CAMTA1: variants seen among roughly 807,000 people sequenced by gnomAD.
The protein encoded by CAMTA1 is calmodulin binding transcription activator 1, also known as calmodulin-binding transcription activator 1.
A neutral mutation model predicts 170.9 loss-of-function variants in CAMTA1; 27 were observed. The ratio of observed to expected loss-of-function variants is 0.16; its 90% CI spans 0.12 to 0.22. CAMTA1 has a LOEUF of 0.22. Among genes scored for constraint, CAMTA1 ranks in the 10% least tolerant of loss-of-function variants. The probability of loss-of-function intolerance (pLI) is 1.00; values close to 1 mark genes in which losing one functional copy is unlikely to be tolerated. For synonymous variants in CAMTA1, 833 were observed against 891.5 expected (o/e 0.93, Z 1.17); for missense variants, 1,619 against 2,217.2 (o/e 0.73, Z 5.42).
rs978907663 is a variant in CAMTA1, at chr1:7,092,735, C to T, written c.302+1364C>T. 9.2e-5 allele frequency among the ~76,000 whole-genome samples: 14 copies of T among 152,210 alleles called. No homozygotes were observed. The highest frequency in any genetic ancestry group is 2.9e-4 in the African/African-American group (12 of 41,454). Reference sequence around the variant, plus strand: ...AAACAACAAATCTTTATTTTCTGCTCATGGGTCTGTGGGCTGCCTGTGGCT... The same window carrying T: ...AAACAACAAATCTTTATTTTCTGCTTATGGGTCTGTGGGCTGCCTGTGGCT... On this transcript the variant is annotated intron_variant, in intron 4 of 22. Coordinates refer to ENST00000303635, the MANE Select transcript of CAMTA1 (RefSeq NM_015215.4). The surrounding 1 kb of genome is among the most constrained non-coding windows in gnomAD (Gnocchi z 5.0).
At chr1:7,546,597 C>T (rs560283561) in intron 6 of CAMTA1, among the ~76,000 whole-genome samples, 179 of 152,248 alleles carry the variant, frequency 1.2e-3, no homozygotes, top group Non-Finnish European at 1.9e-3. Flanking sequence ...CCAAAATAGC[C>T]GAACTAATTT....
intron 6 of CAMTA1, among the ~76,000 whole-genome samples, chr1:7,604,032 G>C (rs1314750152): frequency 6.6e-6 from 1 of 152,196 alleles, no homozygotes; most frequent in Admixed American, 6.5e-5. Flanking sequence ...CTGGCTTGTA[G>C]AGTTTCTGCT....
At chr1:7,564,891 G>GA (rs1277382006) in intron 6 of CAMTA1, among the ~76,000 whole-genome samples, 3 of 151,666 alleles carry the variant, frequency 2.0e-5, no homozygotes, top group Non-Finnish European at 4.4e-5. Context: ...CAGTGGGGTG[G>GA]AAAAAAATAG....
chr1:7,273,332 T>C lies in CAMTA1; in HGVS notation c.438+23706T>C, dbSNP rs544327416. ...TAGCAACAAGTCAAAACAACTCAAA[T>C]GTCCACCGACTAATAAACAAAATGT... On this transcript the variant is annotated intron_variant, in intron 5 of 22. Transcript: ENST00000303635. Among the ~76,000 whole-genome samples the C allele has an allele frequency of 3.3e-5, 5 of 152,314 alleles. No homozygotes were observed. The South Asian group carries it at 1.0e-3, about 32-fold the overall frequency.
chr1:7,094,375 G>A (rs912795598), intron 4 of CAMTA1, among the ~76,000 whole-genome samples: 9 of 150,988 alleles, frequency 6.0e-5, no homozygotes, highest in Admixed American at 2.0e-4. Context: ...TGAATGAGAA[G>A]GCAATACAAC....
At chr1:7,529,481 T>C (rs753170369) in intron 6 of CAMTA1, among the ~76,000 whole-genome samples, 1 of 152,088 alleles carries the variant, frequency 6.6e-6, no homozygotes, top group African/African-American at 2.4e-5. Flanking sequence ...TAGAAAACAT[T>C]GTTGTCACAG....
chr1:7,387,767 G>A (rs781267595), intron 5 of CAMTA1, among the ~76,000 whole-genome samples: 1 of 152,216 alleles, frequency 6.6e-6, no homozygotes, highest in Non-Finnish European at 1.5e-5. Flanking sequence ...ATCTTGGAAT[G>A]AAAAATACTC....
chr1:7,650,333 A>G (rs1375432033), intron 7 of CAMTA1, among the ~76,000 whole-genome samples: 1 of 152,032 alleles, frequency 6.6e-6, no homozygotes, highest in African/African-American at 2.4e-5. Context: ...CACCTTGGAG[A>G]TTTCCTGTGA....
At chr1:7,021,211 C>T (rs935667556) in intron 3 of CAMTA1, among the ~76,000 whole-genome samples, 11 of 152,292 alleles carry the variant, frequency 7.2e-5, no homozygotes, top group Middle Eastern at 3.4e-3. Context: ...TGAACGTGGC[C>T]GTGATGAATT....
chr1:6,836,493 C>G (rs531079101), intron 3 of CAMTA1, among the ~76,000 whole-genome samples: 2 of 152,212 alleles, frequency 1.3e-5, no homozygotes, highest in Non-Finnish European at 1.5e-5. Context: ...TGGCGAGAAC[C>G]TGGAATTTAC....
rs751767045 is a variant in CAMTA1, at chr1:7,234,616, C to T, written c.303-14875C>T. ...GAGTTTCAAGCCGAGGCCCTGGGAG[C>T]CCTGGGAAGGTGCCATGAAGGAGGC... On this transcript the variant is annotated intron_variant, in intron 4 of 22. Transcript: ENST00000303635. The surrounding 1 kb of genome is among the most constrained non-coding windows in gnomAD (Gnocchi z 5.0). Among the ~76,000 whole-genome samples, 7 of 152,208 alleles carry T rather than the reference C, an allele frequency of 4.6e-5. 1 individual carries two copies. The highest frequency in any genetic ancestry group is 1.0e-4 in the Non-Finnish European group (7 of 68,036).
chr1:7,206,788 GC>G (rs1657818910), intron 4 of CAMTA1, among the ~76,000 whole-genome samples: 1 of 152,196 alleles, frequency 6.6e-6, no homozygotes, highest in Non-Finnish European at 1.5e-5. Flanking sequence ...TATTGTCAAT[GC>G]TTAAATTTTG....
intron 3 of CAMTA1, among the ~76,000 whole-genome samples, chr1:6,882,793 A>T (rs1396232576): frequency 2.6e-5 from 4 of 152,224 alleles, no homozygotes; most frequent in Middle Eastern, 6.8e-3. Context: ...ACAATAGAGA[A>T]GTCCAGACAT....
In CAMTA1 at chr1:7,732,245, C is replaced by T. The variant is rs1055010575; in HGVS notation, c.2915-203C>T. On this transcript the variant is annotated intron_variant, in intron 11 of 22. Coordinates refer to ENST00000303635, the MANE Select transcript of CAMTA1 (RefSeq NM_015215.4). The surrounding 1 kb of genome is among the most constrained non-coding windows in gnomAD (Gnocchi z 4.1). ...TTTCTGGTCTTTTATCCGAGAACTT[C>T]GGGCTGCTGAAGGTGCCACCATCCT... 2.6e-4 allele frequency among the ~76,000 whole-genome samples: 39 copies of T among 152,178 alleles called. No homozygotes were observed. Among genetic ancestry groups the T allele is most frequent in the African/African-American group, 6.7e-4 (28 of 41,506 alleles).
At position 7,146,094 on chromosome 1, in the gene CAMTA1, T is replaced by A. The variant is rs562720280; in HGVS notation, c.302+54723T>A. ...CAGTGCTTTAATTGGATCTTTTTTT[T>A]AAAATGGGATGATTGTAAAGGCCGG... On this transcript the variant is annotated intron_variant, in intron 4 of 22. Transcript: ENST00000303635. This position sits in a 1 kb window ranked among gnomAD's most constrained non-coding sequence, Gnocchi z 4.3. 5.3e-5 allele frequency among the ~76,000 whole-genome samples: 8 copies of A among 152,292 alleles called. No individual in the cohort carries two copies. Among genetic ancestry groups the A allele is most frequent in the South Asian group, 2.1e-4 (1 of 4,830 alleles).
At chr1:7,281,709 G>A (rs760545292) in intron 5 of CAMTA1, among the ~76,000 whole-genome samples, 2 of 151,838 alleles carry the variant, frequency 1.3e-5, no homozygotes, top group African/African-American at 4.8e-5. Context: ...TGAATTTCAC[G>A]GGGTATTAAG....
chr1:7,596,109 C>T (rs949999758), intron 6 of CAMTA1, among the ~76,000 whole-genome samples: 2 of 152,242 alleles, frequency 1.3e-5, no homozygotes, highest in African/African-American at 4.8e-5. Context: ...GGAGGGGCCG[C>T]TGCAATAAGT....
At chr1:7,632,361 C>T (rs951631905) in intron 6 of CAMTA1, among the ~76,000 whole-genome samples, 1 of 152,212 alleles carries the variant, frequency 6.6e-6, no homozygotes, top group African/African-American at 2.4e-5. Flanking sequence ...GCTATTATGA[C>T]TTTCTGGGTA....
At chr1:6,948,941 C>T (rs1412446300) in intron 3 of CAMTA1, among the ~76,000 whole-genome samples, 2 of 152,138 alleles carry the variant, frequency 1.3e-5, no homozygotes, top group Admixed American at 1.3e-4. Flanking sequence ...TGCTCCCTGA[C>T]GTGTGTCTCC....
Sources: allele counts gnomAD v4.1 joint callset (sites outside exome capture counted in the v4.1 genomes callset), GRCh38; gene constraint gnomAD v4.1.1; non-coding constraint Gnocchi (gnomAD v3.1); transcripts MANE v1.5; gene names NCBI Gene and HGNC (gene_info 2026-07-23, HGNC 2026-07-21).